Variants in MAP3K19 observed in about 807,000 individuals in gnomAD.
MAP3K19 encodes mitogen-activated protein kinase kinase kinase 19, also known as SPS1/STE20-related protein kinase YSK4.
In MAP3K19, 91 loss-of-function variants were observed where a neutral mutation model predicts 114.4. The ratio of observed to expected loss-of-function variants is 0.80; its 90% CI spans 0.67 to 0.95. The LOEUF is 0.95. MAP3K19 is among the 40% of genes least tolerant of loss of function. The pLI is 0.00. For synonymous variants in MAP3K19, 518 were observed against 530.5 expected, an observed-to-expected ratio of 0.98 and a Z score of 0.32; for missense variants, 1,471 against 1,573.2, an observed-to-expected ratio of 0.94 and a Z score of 1.10.
chr2:134,990,325 G>C (rs557624580), intron 9 of MAP3K19, among the ~76,000 whole-genome samples: 1 of 152,210 alleles, frequency 6.6e-6, no homozygotes, highest in South Asian at 2.1e-4. Context: ...GTGACAGCAC[G>C]ACCAAGCCCT....
In MAP3K19 at chr2:135,027,405, GAAAGA is replaced by G. The variant is rs1688284113; in HGVS notation, c.-94-2669_-94-2665del. On this transcript the variant is annotated intron_variant, in intron 3 of 12. Coordinates refer to ENST00000392915, the MANE Select transcript of MAP3K19 (RefSeq NM_025052.5). ...AGAAAAAAGAAAGAAAGAAAAGAAA[GAAAGA>G]AAAGGATGGGAGGGAGGGAGGGAAA... 2.1e-5 allele frequency among the ~76,000 whole-genome samples: 3 copies of G among 139,832 alleles called. No homozygotes were observed. The South Asian group carries it at 8.0e-4, about 37-fold the overall frequency. 91.7% of individuals were successfully genotyped at this position (139,832 alleles called of 152,430 possible). A position where few individuals can be genotyped will look rare whatever the true frequency, so the allele number is the denominator to read the frequency against.
chr2:135,004,846 AG>A (rs1686701481), intron 6 of MAP3K19, among the ~76,000 whole-genome samples: 1 of 152,164 alleles, frequency 6.6e-6, no homozygotes. Context: ...CCTTCCCCTC[AG>A]GGACAACGGC....
chr2:135,014,912 T>G lies in MAP3K19; in HGVS notation c.138+6803A>C, dbSNP rs11901743. ...CTCATTTATGTGTAGTTTTACACTATGTGAATATACCACAATTTATGTATC... is the reference window on the plus strand; with the variant it reads ...CTCATTTATGTGTAGTTTTACACTAGGTGAATATACCACAATTTATGTATC... On this transcript the variant is annotated intron_variant, in intron 5 of 12. Coordinates refer to ENST00000392915, the MANE Select transcript of MAP3K19 (RefSeq NM_025052.5). Among the ~76,000 whole-genome samples the G allele has an allele frequency of 5.8e-3, 879 of 152,360 alleles. 12 individuals are homozygous for G. The highest frequency in any genetic ancestry group is 0.032 in the South Asian group (155 of 4,830).
intron 6 of MAP3K19, among the ~76,000 whole-genome samples, chr2:135,004,191 A>G (rs1426845986): frequency 6.6e-6 from 1 of 152,156 alleles, no homozygotes; most frequent in Non-Finnish European, 1.5e-5. Context: ...GAAATATTTA[A>G]CCTCCTGGAA....
chr2:135,041,593 T>C (rs1205818676), intron 1 of MAP3K19, among the ~76,000 whole-genome samples: 1 of 152,150 alleles, frequency 6.6e-6, no homozygotes, highest in Non-Finnish European at 1.5e-5. Context: ...CCTCCCAAAG[T>C]GCTGGGATTA....
intron 1 of MAP3K19, among the ~76,000 whole-genome samples, chr2:135,045,374 T>C (rs1211677098): frequency 6.6e-6 from 1 of 152,180 alleles, no homozygotes; most frequent in East Asian, 1.9e-4. Context: ...TTAAAACCAA[T>C]ACACACATCT....
At chr2:134,980,090 G>C (rs1684526663) in intron 12 of MAP3K19, among the ~76,000 whole-genome samples, 1 of 152,140 alleles carries the variant, frequency 6.6e-6, no homozygotes, top group African/African-American at 2.4e-5. Context: ...TAGGTAGGTG[G>C]GTTTGGGGCT....
At chr2:135,031,843 C>A (rs1251814130) in intron 2 of MAP3K19, among the ~76,000 whole-genome samples, 1 of 152,168 alleles carries the variant, frequency 6.6e-6, no homozygotes, top group Non-Finnish European at 1.5e-5. Context: ...AGCCAGAAAT[C>A]AGGGATAATT....
Position 134,999,853 on chromosome 2 carries a change from A to G in MAP3K19, c.314+84T>C. On this transcript the variant is annotated intron_variant, in intron 7 of 12. Coordinates refer to ENST00000392915, the MANE Select transcript of MAP3K19 (RefSeq NM_025052.5). The surrounding 1 kb of genome is among the most constrained non-coding windows in gnomAD (Gnocchi z 4.1). ...TACTTTTAAGCATTATTATGGATTC[A>G]ATTACTAATAATGTAGGTTGCCATA... 1.1e-6 allele frequency: 1 copy of G among 895,156 alleles called. No homozygotes were observed. 55.5% of individuals were successfully genotyped at this position (895,156 alleles called of 1,614,324 possible).
At chr2:135,023,391 C>G in intron 4 of MAP3K19, 1 of 524,914 alleles carries the variant, frequency 1.9e-6, no homozygotes, top group African/African-American at 1.9e-5. Flanking sequence ...CTCATCAGTC[C>G]CTCAATGACC....
intron 9 of MAP3K19, among the ~76,000 whole-genome samples, chr2:134,989,240 T>C (rs997382981): frequency 5.9e-5 from 9 of 152,240 alleles, no homozygotes; most frequent in Non-Finnish European, 1.2e-4. Context: ...GGCAGTAAGC[T>C]ATAAACTCCT....
chr2:134,968,985 A>C lies in MAP3K19; in HGVS notation c.3921-4069T>G, dbSNP rs7564013. Among the ~76,000 whole-genome samples the C allele has an allele frequency of 2.6e-3, 400 of 152,236 alleles. 1 individual carries two copies. Among genetic ancestry groups the C allele is most frequent in the African/African-American group, 9.2e-3 (383 of 41,538 alleles). Reference sequence around the variant, plus strand: ...GAGGCTGCAATCTGGGCATTTTGGGAGGCCAAGGCAGGCTGCTGGGAGGTG... The same window carrying C: ...GAGGCTGCAATCTGGGCATTTTGGGCGGCCAAGGCAGGCTGCTGGGAGGTG... On this transcript the variant is annotated intron_variant, in intron 12 of 12. Transcript: ENST00000392915.
chr2:134,986,918 C>A lies in MAP3K19; in HGVS notation c.1954G>T (p.Glu652Ter), dbSNP rs772076836. Reference protein sequence around the residue: ...LDLKYSDMFKEINSTANGPGI... With the variant: ...LDLKYSDMFK ...GGTCCATTAGCAGTTGAATTGATTT[C>A]TTTGAACATATCACTATACTTAAGA... is the stretch of plus-strand genomic sequence containing the variant. The change falls in exon 10 of 13, where the codon GAA (glutamate) becomes TAA (stop). Residue 652 changes from glutamate to a stop codon, truncating the protein, a stop_gained. Transcript: ENST00000392915. LOFTEE classifies it high-confidence loss of function. 6 of 1,614,128 alleles carry A rather than the reference C, an allele frequency of 3.7e-6. No homozygotes were observed. The South Asian group carries it at 6.6e-5, about 18-fold the overall frequency.
chr2:135,036,049 GTCGCGAAC>G (rs1558745986), intron 2 of MAP3K19, among the ~76,000 whole-genome samples: 6 of 152,046 alleles, frequency 3.9e-5, no homozygotes. Flanking sequence ...GGTCAGGCTG[GTCGCGAAC>G]TCCCAACCTC....
chr2:134,988,918 C>T (rs564724071), intron 9 of MAP3K19, among the ~76,000 whole-genome samples: 91 of 151,848 alleles, frequency 6.0e-4, no homozygotes, highest in Admixed American at 3.5e-3. Context: ...TTTTGAAATC[C>T]CACTGAAAAC....
intron 2 of MAP3K19, among the ~76,000 whole-genome samples, chr2:135,033,791 CA>C (rs1688454996): frequency 1.6e-5 from 1 of 63,410 alleles, no homozygotes; most frequent in Non-Finnish European, 2.7e-5. Flanking sequence ...AGGCGCCCCT[CA>C]CCTCCCGGAC....
intron 12 of MAP3K19, among the ~76,000 whole-genome samples, chr2:134,974,189 T>C (rs1443400718): frequency 1.3e-5 from 2 of 152,082 alleles, no homozygotes; most frequent in Non-Finnish European, 2.9e-5. Flanking sequence ...TTAGTAGAGA[T>C]GGATTTTCTC....
chr2:135,025,381 T>C (rs1012894918), intron 3 of MAP3K19, among the ~76,000 whole-genome samples: 1 of 129,294 alleles, frequency 7.7e-6, no homozygotes, highest in South Asian at 2.6e-4. Context: ...TCTTTTCTTT[T>C]TTTTTTTTTT....
chr2:134,987,352 G>A lies in MAP3K19; in HGVS notation c.1520C>T (p.Thr507Ile), dbSNP rs1685215179. 1.9e-6 allele frequency: 3 copies of A among 1,614,150 alleles called. No homozygotes were observed. The highest frequency in any genetic ancestry group is 2.5e-6 in the Non-Finnish European group (3 of 1,180,036). ...EPVIAKPSLQ[T>I]RKGTIHNNHS... ...GTTGTTATGAATGGTTCCCTTTCTT[G>A]TTTGGAGGCTTGGTTTGGCTATCAC... The change falls in exon 10 of 13, where the codon ACA becomes ATA. Residue 507 changes from threonine to isoleucine, a missense_variant. Physicochemically the swap from Thr to Ile is moderately conservative, Grantham distance 89 (BLOSUM62 -1). Coordinates refer to ENST00000392915, the MANE Select transcript of MAP3K19 (RefSeq NM_025052.5).
Sources: gnomAD v4.1 joint callset for allele counts (sites outside exome capture counted in the v4.1 genomes callset) on GRCh38, gnomAD v4.1.1 for gene constraint, Gnocchi (gnomAD v3.1) non-coding constraint, MANE v1.5 for transcripts, NCBI Gene and HGNC (gene_info 2026-07-23, HGNC 2026-07-21) for gene names.